Variants in DDX10 observed in about 807,000 individuals in gnomAD.
The protein encoded by DDX10 is probable ATP-dependent RNA helicase DDX10.
DDX10 carries 74 observed loss-of-function variants against 104.3 expected under a neutral mutation model. That is an observed-to-expected ratio of 0.71 (90% CI 0.59 to 0.86). DDX10 has a LOEUF of 0.86. Among genes scored for constraint, DDX10 ranks in the 40% least tolerant of loss-of-function variants. The pLI, the probability that DDX10 is intolerant of heterozygous loss-of-function variation, is 0.00. For missense variants in DDX10, 952 were observed against 1,040.0 expected (o/e 0.92, Z 1.16); for synonymous variants, 351 against 353.4 (o/e 0.99, Z 0.08).
intron 17 of DDX10, among the ~76,000 whole-genome samples, chr11:108,924,220 G>A (rs939951235): frequency 6.6e-6 from 1 of 152,106 alleles, no homozygotes; most frequent in Non-Finnish European, 1.5e-5. Flanking sequence ...AAAAGAAAAG[G>A]TGATGATTCA....
At chr11:108,716,752 C>G (rs981078423) in intron 11 of DDX10, among the ~76,000 whole-genome samples, 7 of 152,080 alleles carry the variant, frequency 4.6e-5, no homozygotes, top group Admixed American at 1.3e-4. Flanking sequence ...TCTTGATTAG[C>G]AAATACATAA....
intron 14 of DDX10, among the ~76,000 whole-genome samples, chr11:108,840,695 T>C (rs972866695): frequency 2.0e-5 from 3 of 152,202 alleles, no homozygotes; most frequent in African/African-American, 7.2e-5. Context: ...ACTGATTTTC[T>C]CCTTTTCAGT....
chr11:108,785,944 C>G (rs1226905459), intron 13 of DDX10, among the ~76,000 whole-genome samples: 5 of 152,000 alleles, frequency 3.3e-5, no homozygotes, highest in African/African-American at 1.2e-4. Flanking sequence ...ATGTTAGATT[C>G]TTGAGATCTT....
intron 16 of DDX10, among the ~76,000 whole-genome samples, chr11:108,880,228 G>A (rs889937452): frequency 6.6e-6 from 1 of 152,284 alleles, no homozygotes; most frequent in East Asian, 1.9e-4. Flanking sequence ...CTTTGTGCTT[G>A]TGCAGTGGGG....
At chr11:108,931,624 T>C (rs992226612) in intron 17 of DDX10, among the ~76,000 whole-genome samples, 12 of 152,350 alleles carry the variant, frequency 7.9e-5, no homozygotes, top group Admixed American at 7.8e-4. Flanking sequence ...GTTAAGGGGA[T>C]AAAAGGTTCC....
chr11:108,671,017 C>T (rs2094216308), intron 1 of DDX10, among the ~76,000 whole-genome samples: 1 of 152,166 alleles, frequency 6.6e-6, no homozygotes, highest in Admixed American at 6.5e-5. Context: ...ACTTTTCCAA[C>T]AGCCGTGGGA....
At chr11:108,799,535 A>G (rs1005104509) in intron 13 of DDX10, among the ~76,000 whole-genome samples, 51 of 152,300 alleles carry the variant, frequency 3.3e-4, no homozygotes, top group African/African-American at 1.1e-3. Context: ...AGTTTTCCCA[A>G]GGTTGGTACA....
At chr11:108,889,952 C>T (rs560584403) in intron 16 of DDX10, among the ~76,000 whole-genome samples, 1 of 152,230 alleles carries the variant, frequency 6.6e-6, no homozygotes, top group Admixed American at 6.5e-5. Flanking sequence ...AATTTCATTT[C>T]TTTTGTAGCA....
intron 6 of DDX10, among the ~76,000 whole-genome samples, chr11:108,681,336 A>G (rs1287915217): frequency 6.6e-6 from 1 of 152,222 alleles, no homozygotes; most frequent in Non-Finnish European, 1.5e-5. Context: ...GTGGTGGACA[A>G]AATTTTCAGA....
intron 13 of DDX10, among the ~76,000 whole-genome samples, chr11:108,769,414 T>A (rs2094360168): frequency 6.6e-6 from 1 of 152,148 alleles, no homozygotes; most frequent in African/African-American, 2.4e-5. Flanking sequence ...TTCATTGCAA[T>A]AAGTTATATT....
chr11:108,781,245 T>A (rs2094377713), intron 13 of DDX10, among the ~76,000 whole-genome samples: 1 of 152,214 alleles, frequency 6.6e-6, no homozygotes, highest in South Asian at 2.1e-4. Flanking sequence ...ATTTCACTCT[T>A]TTTTATGGTT....
intron 16 of DDX10, among the ~76,000 whole-genome samples, chr11:108,854,608 C>T (rs1419799010): frequency 6.6e-6 from 1 of 152,182 alleles, no homozygotes; most frequent in Non-Finnish European, 1.5e-5. Context: ...TAAGCAATCA[C>T]TGCATAGAAA....
In DDX10 at chr11:108,917,893, C is replaced by T. The variant is rs1414114012; in HGVS notation, c.2325C>T (p.Ala775=). The T allele has an allele frequency of 4.3e-6, 7 of 1,611,610 alleles. No individual in the cohort carries two copies. The highest frequency in any genetic ancestry group is 5.9e-6 in the Non-Finnish European group (7 of 1,179,828). The change falls in exon 17 of 18, where the codon GCC becomes GCT. Residue 775 remains alanine, a synonymous_variant. Coordinates refer to ENST00000322536, the MANE Select transcript of DDX10 (RefSeq NM_004398.4). The stretch of plus-strand genomic sequence containing the variant: ...TTTAGGCCAAAGATGAAGAGGAAGC[C>T]TTTCTGGATTGGAGTGATGATGATG... The part of the protein sequence containing the change: ...RQAKAKDEEE[A]FLDWSDDDDD...
chr11:108,843,186 G>T (rs1669974253), intron 15 of DDX10, among the ~76,000 whole-genome samples: 1 of 152,058 alleles, frequency 6.6e-6, no homozygotes, highest in South Asian at 2.1e-4. Flanking sequence ...TTGAGTCTAG[G>T]AACTTGAGGC....
chr11:108,808,150 TA>T (rs1862125930), intron 13 of DDX10, among the ~76,000 whole-genome samples: 1 of 152,128 alleles, frequency 6.6e-6, no homozygotes, highest in African/African-American at 2.4e-5. Flanking sequence ...AACGCTTAGT[TA>T]AAATGGGAAG....
intron 13 of DDX10, among the ~76,000 whole-genome samples, chr11:108,788,591 G>A (rs540220006): frequency 6.6e-6 from 1 of 152,292 alleles, no homozygotes; most frequent in Admixed American, 6.5e-5. Context: ...TCGAACTCCC[G>A]ACCTCAGGTG....
At chr11:108,898,965 G>A (rs955767018) in intron 16 of DDX10, among the ~76,000 whole-genome samples, 41 of 152,194 alleles carry the variant, frequency 2.7e-4, no homozygotes, top group African/African-American at 9.2e-4. Context: ...ACATTTGCAT[G>A]GGAGTCATAC....
chr11:108,865,339 G>C (rs1751099976), intron 16 of DDX10, among the ~76,000 whole-genome samples: 1 of 152,206 alleles, frequency 6.6e-6, no homozygotes, highest in Middle Eastern at 3.4e-3. Flanking sequence ...GCCTCTTTTA[G>C]CTCTACAATT....
intron 10 of DDX10, among the ~76,000 whole-genome samples, chr11:108,712,245 C>A (rs1430180164): frequency 1.3e-5 from 2 of 152,038 alleles, no homozygotes; most frequent in Non-Finnish European, 2.9e-5. Context: ...GTTTTTTGAT[C>A]CACTCTGACA....
Sources: gnomAD v4.1 joint callset for allele counts (sites outside exome capture counted in the v4.1 genomes callset) on GRCh38, gnomAD v4.1.1 for gene constraint, MANE v1.5 for transcripts, NCBI Gene and HGNC (gene_info 2026-07-23, HGNC 2026-07-21) for gene names.